Variants in FOXP4 observed in about 807,000 individuals in gnomAD.
FOXP4 encodes the protein forkhead box protein P4.
In FOXP4, 25 loss-of-function variants were observed where a neutral mutation model predicts 82.6. That is an observed-to-expected ratio of 0.30 (90% CI 0.22 to 0.42). FOXP4 has a LOEUF of 0.42. Ranked by LOEUF, FOXP4 falls within the 10% of genes least tolerant of loss-of-function variation. The probability of loss-of-function intolerance (pLI) is 1.00; values close to 1 mark genes in which losing one functional copy is unlikely to be tolerated. For synonymous variants in FOXP4, 415 were observed against 388.2 expected, an observed-to-expected ratio of 1.07 and a Z score of -0.81; for missense variants, 785 against 900.9, an observed-to-expected ratio of 0.87 and a Z score of 1.65.
chr6:41,546,739 CGCGACGCGGG>C lies in FOXP4; in HGVS notation c.-141_-132del, dbSNP rs1763642107. ...GCGCTGGGAGGACGCCCGGGAGCTG[CGCGACGCGGG>C]GCGGCGCGGAAGGGCAGCCCCGGCG... is the stretch of plus-strand genomic sequence containing the variant. On this transcript the variant is annotated 5_prime_UTR_variant, in exon 1 of 17. Coordinates refer to ENST00000307972, the MANE Select transcript of FOXP4 (RefSeq NM_001012426.2). 2 of 146,554 alleles carry C rather than the reference CGCGACGCGGG, an allele frequency of 1.4e-5. No individual in the cohort carries two copies. Among genetic ancestry groups the C allele is most frequent in the Non-Finnish European group, 3.0e-5 (2 of 65,934 alleles). The allele number at this position is 146,554 out of a possible 1,614,324, so 9.1% of individuals were successfully genotyped here.
At chr6:41,589,039 A>G (rs1766333343) in intron 9 of FOXP4, among the ~76,000 whole-genome samples, 1 of 152,240 alleles carries the variant, frequency 6.6e-6, no homozygotes, top group African/African-American at 2.4e-5. Flanking sequence ...GCTGTGCTAA[A>G]TACTTTATAT....
At chr6:41,588,782 C>T in intron 9 of FOXP4, 51 bp downstream of exon 9, 2 of 1,597,074 alleles carry the variant, frequency 1.3e-6, no homozygotes, top group Non-Finnish European at 1.7e-6. Context: ...CAGCCCCTGC[C>T]CACCCACAGC....
At chr6:41,589,550 G>C (rs1766364374) in intron 9 of FOXP4, among the ~76,000 whole-genome samples, 1 of 152,226 alleles carries the variant, frequency 6.6e-6, no homozygotes. Context: ...CCATCCAGGG[G>C]AGAAAGGGAG....
chr6:41,591,146 C>G lies in FOXP4; in HGVS notation c.1435-75C>G. 1 of 1,213,784 alleles carries G rather than the reference C, an allele frequency of 8.2e-7. No individual in the cohort carries two copies. 75.2% of individuals were successfully genotyped at this position (1,213,784 alleles called of 1,614,324 possible). A position where few individuals can be genotyped will look rare whatever the true frequency, so the allele number is the denominator to read the frequency against. On this transcript the variant is annotated intron_variant, in intron 12 of 16. Coordinates refer to ENST00000307972, the MANE Select transcript of FOXP4 (RefSeq NM_001012426.2). The surrounding 1 kb of genome is among the most constrained non-coding windows in gnomAD (Gnocchi z 4.2). ...CGGGGCTAGGCAGAAGGGAGAGGTA[C>G]TGGGGGAGGGAACCCAGGGCTGTGA...
chr6:41,588,021 A>G, intron 8 of FOXP4, 124 bp downstream of exon 8: 1 of 618,418 alleles, frequency 1.6e-6, no homozygotes, highest in Non-Finnish European at 2.9e-6. Flanking sequence ...TCCTCACTCC[A>G]GAGGGTTCTA....
chr6:41,550,364 A>G (rs1447042243), intron 1 of FOXP4, among the ~76,000 whole-genome samples: 1 of 152,232 alleles, frequency 6.6e-6, no homozygotes, highest in Admixed American at 6.5e-5. Flanking sequence ...GGTAGTACTG[A>G]TCAAGGGATG....
Position 41,591,516 on chromosome 6 carries a change from T to C in FOXP4, c.1536+194T>C, listed in dbSNP as rs1333736720. Among the ~76,000 whole-genome samples the C allele has an allele frequency of 6.6e-6, 1 of 152,238 alleles. No individual in the cohort carries two copies. The highest frequency in any genetic ancestry group is 1.5e-5 in the Non-Finnish European group (1 of 68,038). On this transcript the variant is annotated intron_variant, in intron 13 of 16. Transcript: ENST00000307972. The surrounding 1 kb of genome is among the most constrained non-coding windows in gnomAD (Gnocchi z 4.2). ...TGTGGATTGTTCCATAACCTTTTAA[T>C]GATCCCTTCCTTCCAGCCTGGTGCT...
chr6:41,548,658 C>A lies in FOXP4; in HGVS notation c.-17+1791C>A, dbSNP rs556003872. The A allele has an allele frequency of 7.0e-4, 106 of 152,482 alleles. 2 individuals carry two copies. The highest frequency in any genetic ancestry group is 2.5e-3 in the African/African-American group (102 of 41,572). The allele number at this position is 152,482 out of a possible 1,614,324, so 9.4% of individuals were successfully genotyped here. A position where few individuals can be genotyped will look rare whatever the true frequency, so the allele number is the denominator to read the frequency against. On this transcript the variant is annotated intron_variant, in intron 1 of 16. Coordinates refer to ENST00000307972, the MANE Select transcript of FOXP4 (RefSeq NM_001012426.2). ...CCTGACCGCCATGCCCTGCGGGCAC[C>A]GGGCATTTTGAGCTCTCCCCCACCC...
chr6:41,597,875 A>T lies in FOXP4; in HGVS notation c.1820A>T (p.Asp607Val). 1 of 1,596,404 alleles carries T rather than the reference A, an allele frequency of 6.3e-7. No individual in the cohort carries two copies. The highest frequency in any genetic ancestry group is 1.1e-5 in the South Asian group (1 of 89,102). The change falls in exon 16 of 17, where the codon GAC becomes GTC. Residue 607 changes from aspartate to valine, a missense_variant. By Grantham distance (152) the Asp-to-Val change is radical. This residue lies in a region of FOXP4 where 184 missense variants were observed against 187.3 expected (regional missense o/e 0.98). Transcript: ENST00000307972. ...AGCCTGCTGCCCCTCAGCCACGATG[A>T]CGTGGGTGCCCCCGTGGAGCCGCTG... ...ASSLLPLSHD[D>V]VGAPVEPLPS...
chr6:41,577,899 CCTT>C, intron 2 of FOXP4, 84 bp from the exon 3 acceptor site: 2 of 933,988 alleles, frequency 2.1e-6, no homozygotes, highest in Non-Finnish European at 3.3e-6. Context: ...ACCCTGATCT[CCTT>C]CTCCTTACTG....
intron 5 of FOXP4, among the ~76,000 whole-genome samples, chr6:41,586,424 T>G (rs1581769162): frequency 6.6e-6 from 1 of 151,196 alleles, no homozygotes; most frequent in African/African-American, 2.4e-5. Context: ...TGGGTGGGGG[T>G]AGGTAGAGTG....
At chr6:41,580,979 G>A (rs978630338) in intron 3 of FOXP4, among the ~76,000 whole-genome samples, 1 of 152,178 alleles carries the variant, frequency 6.6e-6, no homozygotes, top group Non-Finnish European at 1.5e-5. Context: ...CTCCTTCCAG[G>A]CCTGGACCCC....
At chr6:41,586,457 G>A (rs140386891) in intron 5 of FOXP4, among the ~76,000 whole-genome samples, 9 of 152,322 alleles carry the variant, frequency 5.9e-5, no homozygotes, top group Admixed American at 1.3e-4. Flanking sequence ...AGTACAGGGC[G>A]CCTGGGCAGT....
At chr6:41,559,441 C>T (rs1370743510) in intron 1 of FOXP4, among the ~76,000 whole-genome samples, 1 of 152,180 alleles carries the variant, frequency 6.6e-6, no homozygotes, top group Non-Finnish European at 1.5e-5. Context: ...AGAAGCATGA[C>T]TTTGTTCATG....
At chr6:41,567,424 G>T (rs540541584) in intron 2 of FOXP4, among the ~76,000 whole-genome samples, 1 of 152,218 alleles carries the variant, frequency 6.6e-6, no homozygotes, top group African/African-American at 2.4e-5. Flanking sequence ...TCCTAAGCAC[G>T]TTCTCTGGGG....
intron 16 of FOXP4, 67 bp from the exon 17 acceptor site, chr6:41,598,722 T>TG (rs1472186236): frequency 3.2e-6 from 5 of 1,546,840 alleles, no homozygotes; most frequent in Non-Finnish European, 4.4e-6. Context: ...TGGGTGAGTT[T>TG]GGGGGGCAGG....
At chr6:41,597,508 G>T (rs1208104255) in intron 15 of FOXP4, among the ~76,000 whole-genome samples, 1 of 152,202 alleles carries the variant, frequency 6.6e-6, no homozygotes, top group East Asian at 1.9e-4. Context: ...CAGTCTGGGG[G>T]TTCTCTGTTC....
At chr6:41,560,067 AAG>A (rs774183968) in intron 1 of FOXP4, among the ~76,000 whole-genome samples, 38 of 152,344 alleles carry the variant, frequency 2.5e-4, no homozygotes, top group Non-Finnish European at 5.0e-4. Flanking sequence ...TAAATTATAA[AAG>A]AGATGGCTAC....
intron 1 of FOXP4, among the ~76,000 whole-genome samples, chr6:41,559,593 A>G (rs528429947): frequency 1.3e-5 from 2 of 152,288 alleles, no homozygotes; most frequent in South Asian, 2.1e-4. Context: ...CTCTCAGAGC[A>G]TCTAAGGACA....
Sources: gnomAD v4.1 joint callset for allele counts (sites outside exome capture counted in the v4.1 genomes callset) on GRCh38, gnomAD v4.1.1 for gene constraint, gnomAD v4.1.1 regional missense constraint, Gnocchi (gnomAD v3.1) non-coding constraint, MANE v1.5 for transcripts, NCBI Gene and HGNC (gene_info 2026-07-23, HGNC 2026-07-21) for gene names.